SIX6: variants seen among roughly 807,000 people sequenced by gnomAD.
SIX6 encodes the protein homeobox protein SIX6.
SIX6 carries 14 observed loss-of-function variants against 23.6 expected under a neutral mutation model. The observed-to-expected ratio is 0.59, with a 90% CI of 0.39 to 0.93. The LOEUF (loss-of-function observed/expected upper bound fraction) is 0.93. Ranked by LOEUF, SIX6 falls within the 40% of genes least tolerant of loss-of-function variation. SIX6 has a pLI of 0.00. For synonymous variants in SIX6, 128 were observed against 144.9 expected, an observed-to-expected ratio of 0.88 and a Z score of 0.84; for missense variants, 307 against 325.6, an observed-to-expected ratio of 0.94 and a Z score of 0.44.
intron 1 of SIX6, 44 bp downstream of exon 1, chr14:60,510,014 A>C (rs751756571): frequency 9.3e-6 from 14 of 1,511,086 alleles, no homozygotes; most frequent in Non-Finnish European, 1.3e-5. Flanking sequence ...ACCGGGGAGG[A>C]GGCGGGTGGA....
chr14:60,510,282 C>T (rs1383680335), intron 1 of SIX6, among the ~76,000 whole-genome samples: 3 of 152,156 alleles, frequency 2.0e-5, no homozygotes, highest in Admixed American at 6.5e-5. Context: ...AGTTAGGGAC[C>T]CCAAGACCCA....
Position 60,509,719 on chromosome 14 carries a change from G to A in SIX6, c.321G>A (p.Leu107=). The A allele has an allele frequency of 6.2e-7, 1 of 1,614,134 alleles. No homozygotes were observed. The highest frequency in any genetic ancestry group is 8.5e-7 in the Non-Finnish European group (1 of 1,180,004). ...QEAEKLRGRP[L]GPVDKYRVRK... The stretch of plus-strand genomic sequence containing the variant: ...CTGAGAAGCTGCGTGGAAGACCCCT[G>A]GGACCTGTGGACAAGTACCGAGTAA... The change falls in exon 1 of 2, where the codon CTG becomes CTA. Residue 107 remains leucine, a synonymous_variant. Coordinates refer to ENST00000327720, the MANE Select transcript of SIX6 (RefSeq NM_007374.3).
Position 60,509,961 on chromosome 14 carries a change from C to A in SIX6, c.563C>A (p.Ala188Asp). 6.2e-7 allele frequency: 1 copy of A among 1,603,056 alleles called. No individual in the cohort carries two copies. Among genetic ancestry groups the A allele is most frequent in the Non-Finnish European group, 8.5e-7 (1 of 1,174,200 alleles). Residue 188 changes from alanine to aspartate, a missense_variant, in exon 1 of 2, where the codon GCC becomes GAC. Coordinates refer to ENST00000327720, the MANE Select transcript of SIX6 (RefSeq NM_007374.3). ...CGACAAAGGGACCGAGCGGCTGCAG[C>A]CAAGAACAGGTCGGTACCTAGAGGC... ...NRRQRDRAAAAKNRLQQQVLS... is the reference protein window; with the variant it reads ...NRRQRDRAAADKNRLQQQVLS...
At position 60,511,303 on chromosome 14, in the gene SIX6, A is replaced by T; in HGVS notation, c.*51A>T. 1 of 1,588,384 alleles carries T rather than the reference A, an allele frequency of 6.3e-7. No individual in the cohort carries two copies. The highest frequency in any genetic ancestry group is 2.2e-5 in the East Asian group (1 of 44,758). ...CAGATTCCAGTGTAAAAACGAGAAA[A>T]ACAAAATGAAAGAGGGGAAGAAGAT... On this transcript the variant is annotated 3_prime_UTR_variant, in exon 2 of 2. Transcript: ENST00000327720.
Position 60,511,436 on chromosome 14 carries a change from C to T in SIX6, c.*184C>T, listed in dbSNP as rs1365080397. Reference sequence around the variant, plus strand: ...CGGCCGGCCTGGCTTCACTGGCGCCCTTTGGCCGCGACCACGGGAACCAGC... The same window carrying T: ...CGGCCGGCCTGGCTTCACTGGCGCCTTTTGGCCGCGACCACGGGAACCAGC... On this transcript the variant is annotated 3_prime_UTR_variant, in exon 2 of 2. Transcript: ENST00000327720. 3 of 703,338 alleles carry T rather than the reference C, an allele frequency of 4.3e-6. No individual in the cohort carries two copies. The highest frequency in any genetic ancestry group is 3.2e-5 in the South Asian group (2 of 62,210). 43.6% of individuals were successfully genotyped at this position (703,338 alleles called of 1,614,324 possible). A position where few individuals can be genotyped will look rare whatever the true frequency, so the allele number is the denominator to read the frequency against.
At chr14:60,510,129 G>C (rs922227183) in intron 1 of SIX6, among the ~76,000 whole-genome samples, 159 bp downstream of exon 1, 1 of 152,204 alleles carries the variant, frequency 6.6e-6, no homozygotes, top group Non-Finnish European at 1.5e-5. Context: ...GCTCCTGGCC[G>C]GGAGTTCCCT....
Position 60,509,387 on chromosome 14 carries a change from G to A in SIX6, c.-12G>A, listed in dbSNP as rs767032310. ...CGGGCTCAGTGCCCTCGCCGCCGCCGGCACTGCCTCGATGTTCCAGCTGCC... is the reference window on the plus strand; with the variant it reads ...CGGGCTCAGTGCCCTCGCCGCCGCCAGCACTGCCTCGATGTTCCAGCTGCC... On this transcript the variant is annotated 5_prime_UTR_variant, in exon 1 of 2. Transcript: ENST00000327720. The A allele has an allele frequency of 4.4e-6, 7 of 1,598,764 alleles. No homozygotes were observed. The highest frequency in any genetic ancestry group is 5.1e-6 in the Non-Finnish European group (6 of 1,179,652).
In SIX6 at chr14:60,511,418, C is replaced by T; in HGVS notation, c.*166C>T. 2.4e-6 allele frequency: 2 copies of T among 818,076 alleles called. No individual in the cohort carries two copies. The highest frequency in any genetic ancestry group is 2.0e-6 in the Non-Finnish European group (1 of 495,972). 50.7% of individuals were successfully genotyped at this position (818,076 alleles called of 1,614,324 possible). On this transcript the variant is annotated 3_prime_UTR_variant, in exon 2 of 2. Coordinates refer to ENST00000327720, the MANE Select transcript of SIX6 (RefSeq NM_007374.3). Reference sequence around the variant, plus strand: ...GTTTCCCGCCCCACCCCGCGGCCGGCCTGGCTTCACTGGCGCCCTTTGGCC... The same window carrying T: ...GTTTCCCGCCCCACCCCGCGGCCGGTCTGGCTTCACTGGCGCCCTTTGGCC...
Position 60,509,558 on chromosome 14 carries a change from C to G in SIX6, c.160C>G (p.Leu54Val), listed in dbSNP as rs200859196. The change falls in exon 1 of 2, where the codon CTA becomes GTA. Residue 54 changes from leucine to valine, a missense_variant. Leu to Val is a conservative substitution (Grantham distance 32, BLOSUM62 1). Coordinates refer to ENST00000327720, the MANE Select transcript of SIX6 (RefSeq NM_007374.3). ...CEALNKNESVLRARAIVAFHG... is the reference protein window; with the variant it reads ...CEALNKNESVVRARAIVAFHG... Reference sequence around the variant, plus strand: ...GGCCCTCAACAAGAATGAGTCGGTGCTACGCGCACGAGCCATCGTGGCCTT... The same window carrying G: ...GGCCCTCAACAAGAATGAGTCGGTGGTACGCGCACGAGCCATCGTGGCCTT... 4 of 1,611,508 alleles carry G rather than the reference C, an allele frequency of 2.5e-6. No individual in the cohort carries two copies. Among genetic ancestry groups the G allele is most frequent in the African/African-American group, 1.3e-5 (1 of 74,928 alleles).
chr14:60,509,714 C>A lies in SIX6; in HGVS notation c.316C>A (p.Pro106Thr). ...GGAGGCTGAGAAGCTGCGTGGAAGA[C>A]CCCTGGGACCTGTGGACAAGTACCG... Reference protein sequence around the residue: ...YQEAEKLRGRPLGPVDKYRVR... With the variant: ...YQEAEKLRGRTLGPVDKYRVR... Residue 106 changes from proline to threonine, a missense_variant, in exon 1 of 2, where the codon CCC becomes ACC. Physicochemically the swap from Pro to Thr is conservative, Grantham distance 38. Transcript: ENST00000327720. The A allele has an allele frequency of 6.2e-7, 1 of 1,614,138 alleles. No individual in the cohort carries two copies. Among genetic ancestry groups the A allele is most frequent in the Non-Finnish European group, 8.5e-7 (1 of 1,180,016 alleles).
chr14:60,511,033 A>T, intron 1 of SIX6, 51 bp from the exon 2 acceptor site: 1 of 1,586,010 alleles, frequency 6.3e-7, no homozygotes, highest in Admixed American at 1.7e-5. Context: ...GGGGCGGGCG[A>T]CGGGCGGCTG....
intron 1 of SIX6, 62 bp from the exon 2 acceptor site, chr14:60,511,022 G>T (rs960566447): frequency 6.5e-7 from 1 of 1,546,464 alleles, no homozygotes; most frequent in Non-Finnish European, 8.8e-7. Flanking sequence ...AGGAGGTGGT[G>T]GGGGCGGGCG....
Position 60,512,173 on chromosome 14 carries a change from C to T in SIX6, c.*921C>T, listed in dbSNP as rs1472758549. On this transcript the variant is annotated 3_prime_UTR_variant, in exon 2 of 2. Transcript: ENST00000327720. ...AGGTAATTATGGCTTGTCCACTTGA[C>T]ACTCGTTTACATGAAGTGTCAACAG... 2 of 152,204 alleles carry T rather than the reference C, an allele frequency of 1.3e-5. No individual in the cohort carries two copies. Among genetic ancestry groups the T allele is most frequent in the African/African-American group, 2.4e-5 (1 of 41,444 alleles). 9.4% of individuals were successfully genotyped at this position (152,204 alleles called of 1,614,324 possible).
In SIX6 at chr14:60,509,417, T is replaced by C. The variant is rs1447268105; in HGVS notation, c.19T>C (p.Leu7=). The change falls in exon 1 of 2, where the codon TTG becomes CTG. Residue 7 remains leucine (L), a synonymous_variant. Transcript: ENST00000327720. The part of the protein sequence containing the change: MFQLPI[L]NFSPQQVAGV... ...TGCCTCGATGTTCCAGCTGCCCATC[T>C]TGAATTTCAGCCCCCAGCAAGTGGC... 1 of 1,599,542 alleles carries C rather than the reference T, an allele frequency of 6.3e-7. No individual in the cohort carries two copies. The highest frequency in any genetic ancestry group is 1.7e-5 in the Admixed American group (1 of 60,028).
In SIX6 at chr14:60,512,367, G is replaced by C. The variant is rs968933371; in HGVS notation, c.*1115G>C. The C allele has an allele frequency of 6.6e-6, 1 of 152,224 alleles. No individual in the cohort carries two copies. Among genetic ancestry groups the C allele is most frequent in the Non-Finnish European group, 1.5e-5 (1 of 68,042 alleles). 9.4% of individuals were successfully genotyped at this position (152,224 alleles called of 1,614,324 possible). On this transcript the variant is annotated 3_prime_UTR_variant, in exon 2 of 2. Transcript: ENST00000327720. ...CAGGCACCCATGATCATGCTAGAGT[G>C]AGCATATACTGCATTTAGGATTGAG...
rs982383457 is a variant in SIX6 at position 60,512,345 on chromosome 14, G to A, written c.*1093G>A. On this transcript the variant is annotated 3_prime_UTR_variant, in exon 2 of 2. Transcript: ENST00000327720. ...GCCCCCTCCAATACAAAAGCAGCAGGCACCCATGATCATGCTAGAGTGAGC... is the reference window on the plus strand; with the variant it reads ...GCCCCCTCCAATACAAAAGCAGCAGACACCCATGATCATGCTAGAGTGAGC... The A allele has an allele frequency of 2.0e-5, 3 of 152,178 alleles. No homozygotes were observed. Among genetic ancestry groups the A allele is most frequent in the African/African-American group, 7.2e-5 (3 of 41,432 alleles). The allele number at this position is 152,178 out of a possible 1,614,324, so 9.4% of individuals were successfully genotyped here. A position where few individuals can be genotyped will look rare whatever the true frequency, so the allele number is the denominator to read the frequency against.
In SIX6 at chr14:60,509,754, T is replaced by TC. The variant is rs1331088389; in HGVS notation, c.359dup (p.Leu121AlafsTer34). The stretch of plus-strand genomic sequence containing the variant: ...GACAAGTACCGAGTAAGGAAGAAGT[T>TC]CCCGCTGCCGCGCACCATTTGGGAC... On this transcript the variant is annotated frameshift_variant, in exon 1 of 2. Transcript: ENST00000327720. LOFTEE classifies it high-confidence loss of function. 2.5e-6 allele frequency: 4 copies of TC among 1,613,066 alleles called. No individual in the cohort carries two copies. In the Admixed American group the frequency reaches 6.7e-5, roughly 27 times the overall value.
In SIX6 at chr14:60,512,399, T is replaced by C. The variant is rs1462430822; in HGVS notation, c.*1147T>C. 3 of 152,206 alleles carry C rather than the reference T, an allele frequency of 2.0e-5. No individual in the cohort carries two copies. Among genetic ancestry groups the C allele is most frequent in the African/African-American group, 7.2e-5 (3 of 41,452 alleles). The allele number at this position is 152,206 out of a possible 1,614,324, so 9.4% of individuals were successfully genotyped here. A position where few individuals can be genotyped will look rare whatever the true frequency, so the allele number is the denominator to read the frequency against. ...TACTGCATTTAGGATTGAGCTATTA[T>C]TAAAATAAGACAAAAGATGATAGAA... On this transcript the variant is annotated 3_prime_UTR_variant, in exon 2 of 2. Coordinates refer to ENST00000327720, the MANE Select transcript of SIX6 (RefSeq NM_007374.3).
intron 1 of SIX6, 122 bp from the exon 2 acceptor site, chr14:60,510,961 TA>T: frequency 9.9e-7 from 1 of 1,012,780 alleles, no homozygotes; most frequent in South Asian, 1.5e-5. Flanking sequence ...ATCCTCGCCT[TA>T]ACTGCTGGGG....
Sources: allele counts gnomAD v4.1 joint callset (sites outside exome capture counted in the v4.1 genomes callset), GRCh38; gene constraint gnomAD v4.1.1; transcripts MANE v1.5; gene names NCBI Gene and HGNC (gene_info 2026-07-23, HGNC 2026-07-21).